The following DPP8 variants were observed in gnomAD, a reference collection of about 807,000 sequenced individuals.
DPP8 encodes the protein DPP VIII.
A neutral mutation model predicts 107.5 loss-of-function variants in DPP8; 31 were observed. The ratio of observed to expected loss-of-function variants is 0.29; its 90% confidence interval spans 0.22 to 0.39. DPP8 has a LOEUF of 0.39. Among genes scored for constraint, DPP8 ranks in the 10% least tolerant of loss-of-function variants. The probability of loss-of-function intolerance (pLI) is 1.00; values close to 1 mark genes in which losing one functional copy is unlikely to be tolerated. For synonymous variants in DPP8, 381 were observed against 356.6 expected (o/e 1.07, Z -0.77); for missense variants, 842 against 1,076.1 (o/e 0.78, Z 3.04).
intron 12 of DPP8, among the ~76,000 whole-genome samples, chr15:65,468,935 G>C (rs778353267): frequency 2.0e-5 from 3 of 152,110 alleles, no homozygotes; most frequent in Non-Finnish European, 4.4e-5. Context: ...CCCACCACCA[G>C]AGTTTGATTC....
chr15:65,479,769 G>A (rs1010063408), intron 10 of DPP8, among the ~76,000 whole-genome samples: 9 of 149,250 alleles, frequency 6.0e-5, no homozygotes, highest in Non-Finnish European at 8.9e-5. Context: ...GCGTGAACCC[G>A]GGAAGCGGAG....
At chr15:65,479,850 C>CAAAAAAAA (rs56303808) in intron 10 of DPP8, among the ~76,000 whole-genome samples, 1 of 66,754 alleles carries the variant, frequency 1.5e-5, no homozygotes, top group Non-Finnish European at 2.9e-5. Context: ...GACTCCGTCT[C>CAAAAAAAA]AAAAAAAAAA....
Position 65,504,292 on chromosome 15 carries a change from G to A in DPP8, c.372+2951C>T, listed in dbSNP as rs555889672. Among the ~76,000 whole-genome samples, 6 of 151,368 alleles carry A rather than the reference G, an allele frequency of 4.0e-5. No homozygotes were observed. The South Asian group carries it at 1.0e-3, about 26-fold the overall frequency. ...GCAGGAGAATCCCTTGAACCCAGGA[G>A]GCAGAGGTTGCGGTGAGCTGAGATC... On this transcript the variant is annotated intron_variant, in intron 3 of 19. Transcript: ENST00000300141.
At position 65,515,764 on chromosome 15, in the gene DPP8, G is replaced by C. The variant is rs879366571; in HGVS notation, c.-12+1722C>G. On this transcript the variant is annotated intron_variant, in intron 1 of 19. Coordinates refer to ENST00000300141, the MANE Select transcript of DPP8 (RefSeq NM_130434.5). ...TCTGCTCATCCTGCTCTTCTCACAG[G>C]AATCTTTCCTTTCCTCACCATCAAA... 1.4e-5 allele frequency: 20 copies of C among 1,439,100 alleles called. No homozygotes were observed. In the African/African-American group the frequency reaches 2.2e-4, roughly 16 times the overall value. The allele number at this position is 1,439,100 out of a possible 1,614,324, so 89.1% of individuals were successfully genotyped here.
intron 17 of DPP8, among the ~76,000 whole-genome samples, chr15:65,452,574 A>C (rs956562854): frequency 1.3e-5 from 2 of 152,122 alleles, no homozygotes; most frequent in African/African-American, 4.8e-5. Flanking sequence ...ACAGCTACAA[A>C]CCTGGGAAAA....
chr15:65,485,026 T>C (rs2067269564), intron 8 of DPP8, 73 bp downstream of exon 8: 1 of 1,197,286 alleles, frequency 8.4e-7, no homozygotes, highest in Middle Eastern at 1.9e-4. Flanking sequence ...TAAAAAAGTG[T>C]ATCAAAGAAC....
intron 3 of DPP8, among the ~76,000 whole-genome samples, chr15:65,502,497 G>A (rs1476799938): frequency 6.6e-6 from 1 of 151,996 alleles, no homozygotes; most frequent in East Asian, 1.9e-4. Context: ...GGCCAACACA[G>A]TGAAACCTCG....
intron 7 of DPP8, among the ~76,000 whole-genome samples, chr15:65,487,133 T>C (rs569399314): frequency 6.6e-6 from 1 of 152,224 alleles, no homozygotes; most frequent in East Asian, 1.9e-4. Flanking sequence ...AAAATCTGTA[T>C]TTGCTAGCAA....
At chr15:65,448,865 A>AAT (rs58549410) in intron 19 of DPP8, among the ~76,000 whole-genome samples, 59 of 53,234 alleles carry the variant, frequency 1.1e-3, no homozygotes, top group Non-Finnish European at 1.4e-3. Flanking sequence ...ATATATCTAA[A>AAT]ATATATATAT....
rs2063485708 is a variant in DPP8, at chr15:65,446,023, C to T, written c.*861G>A. 6.6e-6 allele frequency: 1 copy of T among 151,824 alleles called. No individual in the cohort carries two copies. Among genetic ancestry groups the T allele is most frequent in the African/African-American group, 2.4e-5 (1 of 41,322 alleles). The allele number at this position is 151,824 out of a possible 1,614,324, so 9.4% of individuals were successfully genotyped here. A position where few individuals can be genotyped will look rare whatever the true frequency, so the allele number is the denominator to read the frequency against. ...GGAAATACCAAATGGAAACTGGCAC[C>T]ACTAAATTTTCTGAAGAATTCTAGT... On this transcript the variant is annotated 3_prime_UTR_variant, in exon 20 of 20. Transcript: ENST00000300141.
In DPP8 at chr15:65,442,841, T is replaced by G. The variant is rs1595809771; in HGVS notation, c.*4043A>C. ...AGATGGCTAGGTGAGGCTGGGAAGG[T>G]GGGAATCAAAAAAGTTTCCTTTTTC... On this transcript the variant is annotated 3_prime_UTR_variant, in exon 20 of 20. Transcript: ENST00000300141. 6.6e-6 allele frequency: 1 copy of G among 152,188 alleles called. No individual in the cohort carries two copies. Among genetic ancestry groups the G allele is most frequent in the Non-Finnish European group, 1.5e-5 (1 of 68,022 alleles). 9.4% of individuals were successfully genotyped at this position (152,188 alleles called of 1,614,324 possible). A position where few individuals can be genotyped will look rare whatever the true frequency, so the allele number is the denominator to read the frequency against.
At chr15:65,468,331 C>A (rs1413576885) in intron 12 of DPP8, among the ~76,000 whole-genome samples, 2 of 151,850 alleles carry the variant, frequency 1.3e-5, no homozygotes, top group African/African-American at 4.8e-5. Flanking sequence ...CCCATTTCTA[C>A]AAAAAATGAA....
At chr15:65,505,506 A>G (rs1034785962) in intron 3 of DPP8, among the ~76,000 whole-genome samples, 1 of 152,184 alleles carries the variant, frequency 6.6e-6, no homozygotes, top group African/African-American at 2.4e-5. Flanking sequence ...TTTCCATTAT[A>G]AAAGTTTAAA....
intron 2 of DPP8, among the ~76,000 whole-genome samples, chr15:65,508,068 T>C (rs906482714): frequency 1.2e-4 from 18 of 151,992 alleles, no homozygotes; most frequent in African/African-American, 4.1e-4. Context: ...TGAAACCTTG[T>C]CTGTACTAAA....
intron 1 of DPP8, among the ~76,000 whole-genome samples, chr15:65,513,688 C>T (rs1210454595): frequency 6.6e-6 from 1 of 152,080 alleles, no homozygotes; most frequent in Admixed American, 6.6e-5. Context: ...AAAGTATAAA[C>T]TGGGGTTTAC....
At chr15:65,453,606 TA>T (rs2064153921) in intron 17 of DPP8, among the ~76,000 whole-genome samples, 1 of 151,474 alleles carries the variant, frequency 6.6e-6, no homozygotes, top group Non-Finnish European at 1.5e-5. Flanking sequence ...CCATCTCTAC[TA>T]AAAGTACAAA....
chr15:65,499,105 G>GTGTGTGTTTGTGTGTGTGTGTATATA (rs1555468189), intron 4 of DPP8, among the ~76,000 whole-genome samples: 3 of 138,742 alleles, frequency 2.2e-5, no homozygotes, highest in African/African-American at 8.0e-5. Context: ...GTGTGTGTGT[G>GTGTGTGTTTGTGTGTGTGTGTATATA]TATATATAAA....
Position 65,512,447 on chromosome 15 carries a change from T to A in DPP8, c.107A>T (p.Tyr36Phe), listed in dbSNP as rs1388611401. The A allele has an allele frequency of 1.2e-6, 2 of 1,614,144 alleles. No individual in the cohort carries two copies. The highest frequency in any genetic ancestry group is 3.3e-5 in the Admixed American group (2 of 60,012). Reference protein sequence around the residue: ...SQDRPKLEPFYVERYSWSQLK... With the variant: ...SQDRPKLEPFFVERYSWSQLK... ...CTGACTCCAGGAATACCGCTCAACATAAAAAGGCTCCAATTTAGGCCGATC... is the reference window on the plus strand; with the variant it reads ...CTGACTCCAGGAATACCGCTCAACAAAAAAAGGCTCCAATTTAGGCCGATC... The change falls in exon 2 of 20, where the codon TAT (tyrosine) becomes TTT (phenylalanine). Residue 36 changes from tyrosine to phenylalanine, a missense_variant. By Grantham distance (22) the Tyr-to-Phe change is conservative. Transcript: ENST00000300141.
Position 65,498,020 on chromosome 15 carries a change from T to C in DPP8, c.559A>G (p.Arg187Gly). 6.3e-7 allele frequency: 1 copy of C among 1,595,684 alleles called. No individual in the cohort carries two copies. Among genetic ancestry groups the C allele is most frequent in the East Asian group, 2.2e-5 (1 of 44,528 alleles). The change falls in exon 5 of 20, where the codon AGG becomes GGG. Residue 187 changes from arginine (R) to glycine (G), a missense_variant. Physicochemically the swap from Arg to Gly is moderately radical, Grantham distance 125. Transcript: ENST00000300141. ...GPQGFTQQPL[R>G]PNLVETSCPN... ...CAACTAGTTTCCACTAGATTGGGCCTTAAAGGTTGTTGCTAGAAAAGTAAA... is the reference window on the plus strand; with the variant it reads ...CAACTAGTTTCCACTAGATTGGGCCCTAAAGGTTGTTGCTAGAAAAGTAAA...
Sources: allele counts gnomAD v4.1 joint callset (sites outside exome capture counted in the v4.1 genomes callset), GRCh38; gene constraint gnomAD v4.1.1; transcripts MANE v1.5; gene names NCBI Gene and HGNC (gene_info 2026-07-23, HGNC 2026-07-21).